The following TTYH1 variants were observed in gnomAD, a reference collection of about 807,000 sequenced individuals.
The protein encoded by TTYH1 is tweety family member 1, also known as protein tweety homolog 1.
In TTYH1, 33 loss-of-function variants were observed where a neutral mutation model predicts 61.2. The ratio of observed to expected loss-of-function variants is 0.54; its 90% CI spans 0.41 to 0.72. The LOEUF is 0.72. Ranked by LOEUF, TTYH1 falls within the 30% of genes least tolerant of loss-of-function variation. The pLI is 0.00. For synonymous variants in TTYH1, 308 were observed against 266.4 expected, an observed-to-expected ratio of 1.16 and a Z score of -1.52; for missense variants, 538 against 575.8, an observed-to-expected ratio of 0.93 and a Z score of 0.67.
chr19:54,420,698 G>A lies in TTYH1; in HGVS notation c.306-579G>A, dbSNP rs536717175. The A allele has an allele frequency of 9.5e-5, 16 of 168,164 alleles. No individual in the cohort carries two copies. Among genetic ancestry groups the A allele is most frequent in the East Asian group, 3.8e-4 (2 of 5,208 alleles). The allele number at this position is 168,164 out of a possible 1,614,324, so 10.4% of individuals were successfully genotyped here. On this transcript the variant is annotated intron_variant, in intron 2 of 13. Transcript: ENST00000376530. This position sits in a 1 kb window ranked among gnomAD's most constrained non-coding sequence, Gnocchi z 4.8. ...CCCTTACTTCCCTCCCAGCTGGCCC[G>A]ACGCTTGGGTCCCGGGTGGGGGAAG...
intron 4 of TTYH1, 122 bp downstream of exon 4, chr19:54,422,532 T>C: frequency 2.7e-6 from 2 of 754,328 alleles, no homozygotes; most frequent in Non-Finnish European, 4.3e-6. Context: ...TGCGCACTGC[T>C]GGCATCCAAT....
chr19:54,432,257 A>C (rs1455858163), intron 10 of TTYH1: 1 of 152,214 alleles, frequency 6.6e-6, no homozygotes, highest in Non-Finnish European at 1.5e-5. Context: ...GCTGTTCTAA[A>C]ACACACACCC....
Position 54,434,251 on chromosome 19 carries a change from A to G in TTYH1, c.1126-1291A>G, listed in dbSNP as rs2083494291. The G allele has an allele frequency of 6.6e-6, 1 of 152,376 alleles. No individual in the cohort carries two copies. Among genetic ancestry groups the G allele is most frequent in the African/African-American group, 2.4e-5 (1 of 41,324 alleles). 9.4% of individuals were successfully genotyped at this position (152,376 alleles called of 1,614,324 possible). ...CCCGTCTGTCCTCCATGCAGCAGCCAGCCAGCCAGGTGATCCTTTTAAAAC... is the reference window on the plus strand; with the variant it reads ...CCCGTCTGTCCTCCATGCAGCAGCCGGCCAGCCAGGTGATCCTTTTAAAAC... On this transcript the variant is annotated intron_variant, in intron 10 of 13. Transcript: ENST00000376530. This position sits in a 1 kb window ranked among gnomAD's most constrained non-coding sequence, Gnocchi z 4.3.
At position 54,429,429 on chromosome 19, in the gene TTYH1, G is replaced by T; in HGVS notation, c.807+50G>T. 6.5e-7 allele frequency: 1 copy of T among 1,541,234 alleles called. No individual in the cohort carries two copies. The highest frequency in any genetic ancestry group is 9.0e-7 in the Non-Finnish European group (1 of 1,117,268). The stretch of plus-strand genomic sequence containing the variant: ...GGCTCTGGGACTCAGGGGGCCTGGA[G>T]ACTTCAACTTCTGGATCTCGGGATG... On this transcript the variant is annotated intron_variant, in intron 6 of 13. Transcript: ENST00000376530. This position sits in a 1 kb window ranked among gnomAD's most constrained non-coding sequence, Gnocchi z 5.1.
intron 5 of TTYH1, among the ~76,000 whole-genome samples, chr19:54,428,060 T>A (rs1390754778): frequency 6.8e-6 from 1 of 148,008 alleles, no homozygotes; most frequent in Non-Finnish European, 1.5e-5. Flanking sequence ...CATGGGCTTA[T>A]GCCACCACTC....
Position 54,419,017 on chromosome 19 carries a change from C to G in TTYH1, c.127-111C>G. 1 of 1,099,702 alleles carries G rather than the reference C, an allele frequency of 9.1e-7. No individual in the cohort carries two copies. The highest frequency in any genetic ancestry group is 1.5e-5 in the South Asian group (1 of 65,580). The allele number at this position is 1,099,702 out of a possible 1,614,324, so 68.1% of individuals were successfully genotyped here. A position where few individuals can be genotyped will look rare whatever the true frequency, so the allele number is the denominator to read the frequency against. Reference sequence around the variant, plus strand: ...CCCAAGATTAGGCCAGGGATGTCTCCCACCTTCACTCTGACATCCCAGACC... The same window carrying G: ...CCCAAGATTAGGCCAGGGATGTCTCGCACCTTCACTCTGACATCCCAGACC... On this transcript the variant is annotated intron_variant, in intron 1 of 13. Transcript: ENST00000376530. The surrounding 1 kb of genome is among the most constrained non-coding windows in gnomAD (Gnocchi z 6.1).
chr19:54,418,752 T>G, intron 1 of TTYH1: 1 of 156,278 alleles, frequency 6.4e-6, no homozygotes, highest in Non-Finnish European at 1.4e-5. Flanking sequence ...TCCCACACGA[T>G]TGTGGAGGGG....
At chr19:54,435,933 GGGA>G (rs1555972956) in intron 12 of TTYH1, 60 bp downstream of exon 12, 4 of 1,603,448 alleles carry the variant, frequency 2.5e-6, no homozygotes, top group African/African-American at 2.7e-5. Flanking sequence ...CTGGGTCTGA[GGGA>G]GGAGGAGCTG....
At position 54,429,762 on chromosome 19, in the gene TTYH1, G is replaced by A; in HGVS notation, c.808-120G>A. 1 of 835,562 alleles carries A rather than the reference G, an allele frequency of 1.2e-6. No individual in the cohort carries two copies. The highest frequency in any genetic ancestry group is 2.0e-6 in the Non-Finnish European group (1 of 512,548). The allele number at this position is 835,562 out of a possible 1,614,324, so 51.8% of individuals were successfully genotyped here. A position where few individuals can be genotyped will look rare whatever the true frequency, so the allele number is the denominator to read the frequency against. On this transcript the variant is annotated intron_variant, in intron 6 of 13. Coordinates refer to ENST00000376530, the MANE Select transcript of TTYH1 (RefSeq NM_020659.4). This position sits in a 1 kb window ranked among gnomAD's most constrained non-coding sequence, Gnocchi z 5.1. ...CTGGACTCCTGAGTCTGAGGGAAGA[G>A]GGGCTGGGACCTGGACCCCTGGGTG... is the stretch of plus-strand genomic sequence containing the variant.
At chr19:54,424,510 G>A (rs1033780305) in intron 4 of TTYH1, among the ~76,000 whole-genome samples, 6 of 152,234 alleles carry the variant, frequency 3.9e-5, no homozygotes, top group Admixed American at 1.3e-4. Flanking sequence ...GCAAGAGACA[G>A]ACAGGCCTGG....
rs184196614 is a variant in TTYH1 at position 54,435,958 on chromosome 19, G to T, written c.1314+85G>T. 2.1e-3 allele frequency: 3,325 copies of T among 1,585,000 alleles called. 57 individuals are homozygous for T. In the African/African-American group the frequency reaches 0.038, roughly 18 times the overall value. The stretch of plus-strand genomic sequence containing the variant: ...GGGAGGAGGAGCTGAGGGCCTGGCC[G>T]CCTGGGTCTGAGGGAGGAGGGGCTG... On this transcript the variant is annotated intron_variant, in intron 12 of 13. Transcript: ENST00000376530.
At chr19:54,433,179 T>C (rs1304234138) in intron 10 of TTYH1, 2 of 152,196 alleles carry the variant, frequency 1.3e-5, no homozygotes, top group African/African-American at 2.4e-5. Flanking sequence ...CAGATCACTC[T>C]ACCCTTCCCT....
chr19:54,426,209 C>T (rs10418661), intron 4 of TTYH1, among the ~76,000 whole-genome samples: 48,544 of 152,058 alleles, frequency 0.32, 8,099 homozygotes, highest in Non-Finnish European at 0.38. Context: ...CTAAGGTTAC[C>T]GAGACAAGAG....
chr19:54,435,218 T>C lies in TTYH1; in HGVS notation c.1126-324T>C, dbSNP rs3786636. ...CCAGGGCTGGTGGGAGATGCTGGAC[T>C]GGTTCTAGATGTGGGGTGCTGACTG... On this transcript the variant is annotated intron_variant, in intron 10 of 13. Coordinates refer to ENST00000376530, the MANE Select transcript of TTYH1 (RefSeq NM_020659.4). The C allele has an allele frequency of 7.4e-4, 229 of 309,904 alleles. 4 individuals are homozygous for C. In the East Asian group the frequency reaches 0.012, roughly 17 times the overall value. 19.2% of individuals were successfully genotyped at this position (309,904 alleles called of 1,614,324 possible). A position where few individuals can be genotyped will look rare whatever the true frequency, so the allele number is the denominator to read the frequency against.
In TTYH1 at chr19:54,434,171, C is replaced by G. The variant is rs557328544; in HGVS notation, c.1126-1371C>G. On this transcript the variant is annotated intron_variant, in intron 10 of 13. Coordinates refer to ENST00000376530, the MANE Select transcript of TTYH1 (RefSeq NM_020659.4). The surrounding 1 kb of genome is among the most constrained non-coding windows in gnomAD (Gnocchi z 4.3). ...ACCACCATTGCTGTGCCCTGGTCCC[C>G]GCATCCTAGCCACCATGACCACAGG... 5 of 152,372 alleles carry G rather than the reference C, an allele frequency of 3.3e-5. No individual in the cohort carries two copies. Among genetic ancestry groups the G allele is most frequent in the African/African-American group, 4.8e-5 (2 of 41,412 alleles). 9.4% of individuals were successfully genotyped at this position (152,372 alleles called of 1,614,324 possible).
Position 54,434,234 on chromosome 19 carries a change from T to C in TTYH1, c.1126-1308T>C. 1 of 152,650 alleles carries C rather than the reference T, an allele frequency of 6.6e-6. No individual in the cohort carries two copies. The highest frequency in any genetic ancestry group is 1.5e-5 in the Non-Finnish European group (1 of 68,400). The allele number at this position is 152,650 out of a possible 1,614,324, so 9.5% of individuals were successfully genotyped here. On this transcript the variant is annotated intron_variant, in intron 10 of 13. Transcript: ENST00000376530. The surrounding 1 kb of genome is among the most constrained non-coding windows in gnomAD (Gnocchi z 4.3). Reference sequence around the variant, plus strand: ...GTCCCCCCTCGCCTACCCCCGTCTGTCCTCCATGCAGCAGCCAGCCAGCCA... The same window carrying C: ...GTCCCCCCTCGCCTACCCCCGTCTGCCCTCCATGCAGCAGCCAGCCAGCCA...
chr19:54,430,764 C>T (rs762143876), intron 8 of TTYH1, 49 bp from the exon 9 acceptor site: 379 of 1,594,442 alleles, frequency 2.4e-4, no homozygotes, highest in Non-Finnish European at 3.1e-4. Context: ...GAGAGAGGGC[C>T]GGGGGCGTAT....
In TTYH1 at chr19:54,431,231, G is replaced by T. The variant is rs765921197; in HGVS notation, c.1125+40G>T. The T allele has an allele frequency of 7.4e-6, 11 of 1,483,744 alleles. No individual in the cohort carries two copies. In the South Asian group the frequency reaches 1.0e-4, roughly 14 times the overall value. The allele number at this position is 1,483,744 out of a possible 1,614,324, so 91.9% of individuals were successfully genotyped here. On this transcript the variant is annotated intron_variant, in intron 10 of 13. Transcript: ENST00000376530. ...CTCCCAATTTCTTCTCCCACGGGGG[G>T]CCTCTGTCTCGACCCACAGAACTAC...
chr19:54,431,840 G>C (rs968707954), intron 10 of TTYH1: 3 of 152,118 alleles, frequency 2.0e-5, no homozygotes, highest in African/African-American at 4.8e-5. Context: ...CTTCCCACCC[G>C]TACCGTGAGG....
Sources: gnomAD v4.1 joint callset for allele counts (sites outside exome capture counted in the v4.1 genomes callset) on GRCh38, gnomAD v4.1.1 for gene constraint, Gnocchi (gnomAD v3.1) non-coding constraint, MANE v1.5 for transcripts, NCBI Gene and HGNC (gene_info 2026-07-23, HGNC 2026-07-21) for gene names.